NXPE2: variants seen among roughly 807,000 people sequenced by gnomAD.
The protein encoded by NXPE2 is neurexophilin and PC-esterase domain family member 2, also known as NXPE family member 2.
Under a neutral mutation model 34.4 loss-of-function variants are expected in NXPE2, and 34 were observed. The observed-to-expected ratio is 0.99, with a 90% CI of 0.75 to 1.31. NXPE2 has a LOEUF of 1.31. NXPE2 is among the 40% of genes most tolerant of loss of function. The pLI, the probability that NXPE2 is intolerant of heterozygous loss-of-function variation, is 0.00. For missense variants in NXPE2, 649 were observed against 672.5 expected, an observed-to-expected ratio of 0.97 and a Z score of 0.39; for synonymous variants, 235 against 231.3, an observed-to-expected ratio of 1.02 and a Z score of -0.15.
chr11:114,674,714 T>C (rs541988832), upstream of NXPE2, among the ~76,000 whole-genome samples: 30 of 151,874 alleles, frequency 2.0e-4, no homozygotes, highest in South Asian at 5.4e-3. Flanking sequence ...TCATGAATTC[T>C]AGTAAACATT....
chr11:114,552,464 C>A, the NXPE2 span, among the ~76,000 whole-genome samples: 8 of 152,170 alleles, frequency 5.3e-5, no homozygotes, highest in African/African-American at 1.9e-4. Context: ...CTGACAAGCA[C>A]AATATTTGTT....
the NXPE2 span, among the ~76,000 whole-genome samples, chr11:114,536,904 A>C: frequency 6.6e-6 from 1 of 151,738 alleles, no homozygotes; most frequent in Non-Finnish European, 1.5e-5. Flanking sequence ...TCAGTAGAAA[A>C]CGGGAATCCT....
chr11:114,492,771 C>A, the NXPE2 span, among the ~76,000 whole-genome samples: 1 of 152,114 alleles, frequency 6.6e-6, no homozygotes, highest in African/African-American at 2.4e-5. Flanking sequence ...AATTTCTTGA[C>A]CTCGTGATCC....
the NXPE2 span, among the ~76,000 whole-genome samples, chr11:114,733,962 A>C: frequency 6.6e-6 from 1 of 152,156 alleles, no homozygotes; most frequent in Admixed American, 6.5e-5. Flanking sequence ...CAGGTCTTTT[A>C]TGAATTTATT....
chr11:114,721,487 A>G, the NXPE2 span, among the ~76,000 whole-genome samples: 4 of 152,182 alleles, frequency 2.6e-5, no homozygotes, highest in African/African-American at 9.6e-5. Context: ...TCTCTGTTAG[A>G]GAAAGGGAGC....
At chr11:114,621,106 C>T in the NXPE2 span, among the ~76,000 whole-genome samples, 1 of 152,140 alleles carries the variant, frequency 6.6e-6, no homozygotes, top group Non-Finnish European at 1.5e-5. Flanking sequence ...CATGGGAAAC[C>T]ACTGTTACCC....
At chr11:114,512,158 A>G in the NXPE2 span, among the ~76,000 whole-genome samples, 3 of 152,174 alleles carry the variant, frequency 2.0e-5, no homozygotes, top group Non-Finnish European at 4.4e-5. Context: ...CTGTGTATGT[A>G]TAAGTTCAAT....
the NXPE2 span, among the ~76,000 whole-genome samples, chr11:114,610,055 TAA>T: frequency 2.0e-5 from 3 of 151,836 alleles, no homozygotes; most frequent in Non-Finnish European, 4.4e-5. Context: ...CGGTGGATAA[TAA>T]GTCTTGCCTC....
chr11:114,619,205 G>T, the NXPE2 span, among the ~76,000 whole-genome samples: 1 of 151,716 alleles, frequency 6.6e-6, no homozygotes, highest in Admixed American at 6.6e-5. Flanking sequence ...AATAAGTATT[G>T]CCTCTAGGGT....
the NXPE2 span, among the ~76,000 whole-genome samples, chr11:114,630,077 G>A: frequency 5.9e-5 from 9 of 151,668 alleles, no homozygotes; most frequent in East Asian, 1.9e-4. Context: ...AATCAATATC[G>A]TGAAAATGGC....
chr11:114,612,673 T>G, the NXPE2 span, among the ~76,000 whole-genome samples: 1 of 151,804 alleles, frequency 6.6e-6, no homozygotes, highest in Non-Finnish European at 1.5e-5. Context: ...GGATAATACG[T>G]GTTGTCTCAT....
chr11:114,607,972 C>G, the NXPE2 span, among the ~76,000 whole-genome samples: 2 of 151,786 alleles, frequency 1.3e-5, no homozygotes, highest in East Asian at 3.9e-4. Flanking sequence ...ATAAGTGTTG[C>G]CTCGTGAGTC....
At chr11:114,715,313 C>T in the NXPE2 span, among the ~76,000 whole-genome samples, 1 of 152,136 alleles carries the variant, frequency 6.6e-6, no homozygotes, top group Non-Finnish European at 1.5e-5. Flanking sequence ...GCTTATATTT[C>T]TTTTTAGCAC....
chr11:114,774,020 G>T, the NXPE2 span, among the ~76,000 whole-genome samples: 1 of 152,302 alleles, frequency 6.6e-6, no homozygotes, highest in East Asian at 1.9e-4. Context: ...GCCCTCAGTT[G>T]GCCTACCAAA....
upstream of NXPE2, among the ~76,000 whole-genome samples, chr11:114,674,543 T>A (rs1197990845): frequency 6.7e-6 from 1 of 149,428 alleles, no homozygotes; most frequent in Non-Finnish European, 1.5e-5. Context: ...GTAGATAACA[T>A]GAAAGATAAG....
downstream of NXPE2, among the ~76,000 whole-genome samples, chr11:114,709,889 G>A (rs11606436): frequency 0.15 from 22,650 of 151,214 alleles, 1,969 homozygotes; most frequent in East Asian, 0.37. Flanking sequence ...GTGACAGAGC[G>A]AGACTCTGTC....
chr11:114,749,267 A>C, the NXPE2 span, among the ~76,000 whole-genome samples: 1 of 152,226 alleles, frequency 6.6e-6, no homozygotes, highest in East Asian at 1.9e-4. Flanking sequence ...AAATTCATTC[A>C]TGTATATCTA....
the NXPE2 span, among the ~76,000 whole-genome samples, chr11:114,579,926 A>G: frequency 2.6e-5 from 4 of 152,296 alleles, no homozygotes; most frequent in South Asian, 4.1e-4. Flanking sequence ...GGGATGTAAT[A>G]AACCTTTTTC....
chr11:114,525,967 A>G, the NXPE2 span, among the ~76,000 whole-genome samples: 7 of 152,184 alleles, frequency 4.6e-5, no homozygotes, highest in African/African-American at 1.7e-4. Flanking sequence ...AGTTATGACC[A>G]GGGTATGGCC....
Sources: gnomAD v4.1 joint callset for allele counts (sites outside exome capture counted in the v4.1 genomes callset) on GRCh38, gnomAD v4.1.1 for gene constraint, MANE v1.5 for transcripts, NCBI Gene and HGNC (gene_info 2026-07-23, HGNC 2026-07-21) for gene names.